PDE3B: variants seen among roughly 807,000 people sequenced by gnomAD.
The protein encoded by PDE3B is phosphodiesterase 3B.
PDE3B carries 66 observed loss-of-function variants against 116.8 expected under a neutral mutation model. The observed-to-expected ratio is 0.56, with a 90% confidence interval of 0.46 to 0.69. The LOEUF (loss-of-function observed/expected upper bound fraction) is 0.69, where lower values mean the gene tolerates loss of function less well. Among genes scored for constraint, PDE3B ranks in the 30% least tolerant of loss-of-function variants. PDE3B has a pLI of 0.00. For synonymous variants in PDE3B, 595 were observed against 533.6 expected, an observed-to-expected ratio of 1.12 and a Z score of -1.59; for missense variants, 1,384 against 1,368.1, an observed-to-expected ratio of 1.01 and a Z score of -0.18.
chr11:14,821,929 G>C (rs1378259555), intron 7 of PDE3B, among the ~76,000 whole-genome samples: 1 of 147,008 alleles, frequency 6.8e-6, no homozygotes, highest in Non-Finnish European at 1.5e-5. Context: ...TTTTGAGACA[G>C]AGTCTTACTC....
At chr11:14,681,329 C>T (rs1263509174) in intron 1 of PDE3B, among the ~76,000 whole-genome samples, 20 of 152,154 alleles carry the variant, frequency 1.3e-4, no homozygotes, top group Non-Finnish European at 2.9e-5. Context: ...GTGGCTCCCA[C>T]AATTCCCATG....
intron 1 of PDE3B, among the ~76,000 whole-genome samples, chr11:14,692,298 T>C (rs181760295): frequency 6.6e-5 from 10 of 151,906 alleles, no homozygotes; most frequent in Non-Finnish European, 1.3e-4. Context: ...ATAATAATAA[T>C]AGTATCTACA....
At chr11:14,897,310 T>C in the PDE3B span, among the ~76,000 whole-genome samples, 1 of 152,208 alleles carries the variant, frequency 6.6e-6, no homozygotes, top group South Asian at 2.1e-4. Flanking sequence ...CTGATGATGA[T>C]GAAGGAGGCC....
chr11:14,869,929 T>A lies in PDE3B; in HGVS notation c.*269T>A, dbSNP rs1848115821. The A allele has an allele frequency of 1.4e-5, 4 of 283,030 alleles. No individual in the cohort carries two copies. The South Asian group carries it at 4.0e-4, about 28-fold the overall frequency. The allele number at this position is 283,030 out of a possible 1,614,324, so 17.5% of individuals were successfully genotyped here. ...CTTACTTAAATCCTTCACTGGTGTATGAATACTTTGTCATAATGCTGCTTT... is the reference window on the plus strand; with the variant it reads ...CTTACTTAAATCCTTCACTGGTGTAAGAATACTTTGTCATAATGCTGCTTT... On this transcript the variant is annotated 3_prime_UTR_variant, in exon 16 of 16. Coordinates refer to ENST00000282096, the MANE Select transcript of PDE3B (RefSeq NM_000922.4).
In PDE3B at chr11:14,644,615, C is replaced by G; in HGVS notation, c.540C>G (p.Asp180Glu). The G allele has an allele frequency of 6.5e-7, 1 of 1,531,686 alleles. No individual in the cohort carries two copies. The highest frequency in any genetic ancestry group is 8.8e-7 in the Non-Finnish European group (1 of 1,142,006). 94.9% of individuals were successfully genotyped at this position (1,531,686 alleles called of 1,614,324 possible). Residue 180 changes from aspartate to glutamate, a missense_variant, in exon 1 of 16, where the codon GAC becomes GAG. Physicochemically the swap from Asp to Glu is conservative, Grantham distance 45. This residue lies in a region of PDE3B where 956 missense variants were observed against 806.8 expected (regional missense o/e 1.18). Coordinates refer to ENST00000282096, the MANE Select transcript of PDE3B (RefSeq NM_000922.4). The stretch of plus-strand genomic sequence containing the variant: ...GGTCTTGGCCTTGGGGGGATGGCGA[C>G]GCAGGGTCCGCGGCCCCGCACACGC... ...QWWSWPWGDG[D>E]AGSAAPHTPP...
chr11:14,815,981 A>C (rs1184509710), intron 5 of PDE3B, among the ~76,000 whole-genome samples: 1 of 152,020 alleles, frequency 6.6e-6, no homozygotes, highest in Admixed American at 6.6e-5. Flanking sequence ...GCAGAGAAAG[A>C]GAGAGAAAGT....
chr11:14,845,897 C>T (rs146001138), intron 12 of PDE3B, among the ~76,000 whole-genome samples: 1 of 152,016 alleles, frequency 6.6e-6, no homozygotes, highest in Admixed American at 6.6e-5. Context: ...AGAATGGAAC[C>T]AAGATGGAAA....
At chr11:14,767,325 T>TTA (rs1857524173) in intron 1 of PDE3B, among the ~76,000 whole-genome samples, 1 of 151,524 alleles carries the variant, frequency 6.6e-6, no homozygotes, top group African/African-American at 2.4e-5. Flanking sequence ...AATCCAGCTT[T>TTA]TAGATAGTTG....
intron 1 of PDE3B, among the ~76,000 whole-genome samples, chr11:14,702,966 C>T (rs1855415038): frequency 6.6e-6 from 1 of 151,924 alleles, no homozygotes; most frequent in African/African-American, 2.4e-5. Context: ...CTACCTTACT[C>T]ATTTCCACTG....
chr11:14,807,688 G>A (rs1157623958), intron 5 of PDE3B, among the ~76,000 whole-genome samples: 1 of 152,098 alleles, frequency 6.6e-6, no homozygotes, highest in Non-Finnish European at 1.5e-5. Flanking sequence ...TCTGACTAGA[G>A]TTGTCAGTAT....
At chr11:14,847,358 T>C (rs533234637) in intron 12 of PDE3B, among the ~76,000 whole-genome samples, 4 of 151,262 alleles carry the variant, frequency 2.6e-5, no homozygotes, top group African/African-American at 9.7e-5. Context: ...GAGGGAAATT[T>C]ATAGCACTAA....
chr11:14,647,301 G>A (rs775565858), intron 1 of PDE3B, among the ~76,000 whole-genome samples: 1 of 152,000 alleles, frequency 6.6e-6, no homozygotes, highest in Non-Finnish European at 1.5e-5. Context: ...CATAGACAGA[G>A]GATTGAGGAG....
intron 4 of PDE3B, among the ~76,000 whole-genome samples, chr11:14,798,956 T>C (rs531644566): frequency 6.6e-6 from 1 of 152,358 alleles, no homozygotes; most frequent in Admixed American, 6.5e-5. Flanking sequence ...ATCTTAGTTA[T>C]TTCTTGCCTT....
intron 12 of PDE3B, among the ~76,000 whole-genome samples, chr11:14,853,533 C>A (rs1555005617): frequency 6.6e-6 from 1 of 152,162 alleles, no homozygotes; most frequent in African/African-American, 2.4e-5. Flanking sequence ...TTGTAAAAAT[C>A]TAGGGCTTAA....
intron 1 of PDE3B, among the ~76,000 whole-genome samples, chr11:14,681,434 G>A (rs1420733625): frequency 6.6e-6 from 1 of 152,150 alleles, no homozygotes; most frequent in South Asian, 2.1e-4. Context: ...AGATCTGATG[G>A]TTTTGTAAGG....
Position 14,678,486 on chromosome 11 carries a change from A to G in PDE3B, c.978+33433A>G, listed in dbSNP as rs144095935. On this transcript the variant is annotated intron_variant, in intron 1 of 15. Coordinates refer to ENST00000282096, the MANE Select transcript of PDE3B (RefSeq NM_000922.4). ...TGTATGAAAATTCTAGTAGTTCCAC[A>G]TCCTGACCAGCACTTGGTATTGTTA... Among the ~76,000 whole-genome samples, 494 of 152,306 alleles carry G rather than the reference A, an allele frequency of 3.2e-3. 3 individuals are homozygous for G. The highest frequency in any genetic ancestry group is 0.011 in the African/African-American group (463 of 41,570).
intron 4 of PDE3B, among the ~76,000 whole-genome samples, chr11:14,790,394 G>A (rs1288581676): frequency 6.6e-6 from 1 of 150,736 alleles, no homozygotes; most frequent in Non-Finnish European, 1.5e-5. Flanking sequence ...AACAGAAAAT[G>A]TGACAGTATT....
At chr11:14,844,518 C>T (rs964787110) in intron 12 of PDE3B, among the ~76,000 whole-genome samples, 5 of 152,164 alleles carry the variant, frequency 3.3e-5, no homozygotes, top group African/African-American at 7.2e-5. Context: ...GTGCGCGAGC[C>T]GAAGCAGGGC....
chr11:14,688,132 TCTCTCTCTCTCC>T (rs1194370103), intron 1 of PDE3B, among the ~76,000 whole-genome samples: 5 of 138,462 alleles, frequency 3.6e-5, no homozygotes, highest in Admixed American at 1.5e-4. Flanking sequence ...TCTCTCTCTC[TCTCTCTCTCTCC>T]CTCCCTCCCT....
Sources: allele counts gnomAD v4.1 joint callset (sites outside exome capture counted in the v4.1 genomes callset), GRCh38; gene constraint gnomAD v4.1.1; regional missense constraint gnomAD v4.1.1; transcripts MANE v1.5; gene names NCBI Gene and HGNC (gene_info 2026-07-23, HGNC 2026-07-21).